Variants in QRFPR observed in about 807,000 individuals in gnomAD.
The protein encoded by QRFPR is pyroglutamylated RF-amide peptide receptor.
A neutral mutation model predicts 31.3 loss-of-function variants in QRFPR; 37 were observed. That is an observed-to-expected ratio of 1.18 (90% confidence interval 0.91 to 1.56). The LOEUF (loss-of-function observed/expected upper bound fraction) is 1.56, where lower values mean the gene tolerates loss of function less well. Ranked by LOEUF, QRFPR falls within the 40% of genes most tolerant of loss-of-function variation. The pLI is 0.00. For synonymous variants in QRFPR, 197 were observed against 192.0 expected, an observed-to-expected ratio of 1.03 and a Z score of -0.22; for missense variants, 542 against 532.5, an observed-to-expected ratio of 1.02 and a Z score of -0.18.
At chr4:121,365,602 AATATATATAT>A (rs1335346290) in intron 1 of QRFPR, among the ~76,000 whole-genome samples, 4,492 of 12,654 alleles carry the variant, frequency 0.35, 484 homozygotes, top group East Asian at 0.54. Flanking sequence ...ATATATATAT[AATATATATAT>A]TATATATATT....
intron 1 of QRFPR, among the ~76,000 whole-genome samples, chr4:121,371,594 G>T (rs576392133): frequency 8.5e-5 from 13 of 152,218 alleles, no homozygotes; most frequent in Non-Finnish European, 1.9e-4. Flanking sequence ...ACAAGGAAGA[G>T]CCACTCAGAA....
intron 1 of QRFPR, among the ~76,000 whole-genome samples, chr4:121,374,803 T>A (rs1005682558): frequency 6.6e-6 from 1 of 152,264 alleles, no homozygotes; most frequent in African/African-American, 2.4e-5. Flanking sequence ...TAAAAGTGCA[T>A]GAATGTGTAC....
At position 121,380,406 on chromosome 4, in the gene QRFPR, T is replaced by C. The variant is rs774471162; in HGVS notation, c.242A>G (p.Asn81Ser). ...TRSKAMRTVT[N>S]IFICSLALSD... is the part of the protein sequence containing the mutation. ...GAGCGCCAAGGAGCAGATAAAGATG[T>C]TGGTGACGGTGCGCATGGCCTTGCT... The change falls in exon 1 of 6, where the codon AAC becomes AGC. Residue 81 changes from asparagine to serine, a missense_variant. Transcript: ENST00000394427. 2 of 1,614,202 alleles carry C rather than the reference T, an allele frequency of 1.2e-6. No homozygotes were observed. Among genetic ancestry groups the C allele is most frequent in the Admixed American group, 1.7e-5 (1 of 60,028 alleles).
intron 1 of QRFPR, among the ~76,000 whole-genome samples, chr4:121,363,372 C>T (rs965737500): frequency 4.7e-5 from 7 of 149,806 alleles, no homozygotes; most frequent in Non-Finnish European, 1.0e-4. Context: ...ACTATATAAC[C>T]CTTCACATGT....
intron 1 of QRFPR, among the ~76,000 whole-genome samples, chr4:121,374,509 G>A (rs1358648839): frequency 6.6e-6 from 1 of 152,154 alleles, no homozygotes; most frequent in African/African-American, 2.4e-5. Context: ...GGGAACTCCT[G>A]GTGCTGTCAG....
chr4:121,357,357 G>T (rs149741117), intron 1 of QRFPR, among the ~76,000 whole-genome samples: 13 of 152,048 alleles, frequency 8.5e-5, no homozygotes, highest in African/African-American at 2.4e-4. Flanking sequence ...AAGAACGTAG[G>T]GGGTGGAAAG....
chr4:121,365,595 T>TATTATATATA (rs1553947919), intron 1 of QRFPR, among the ~76,000 whole-genome samples: 1 of 4,632 alleles, frequency 2.2e-4, no homozygotes. Flanking sequence ...ATATATTATA[T>TATTATATATA]ATATATAATA....
chr4:121,349,353 C>T (rs1725720955), intron 1 of QRFPR, among the ~76,000 whole-genome samples: 1 of 151,902 alleles, frequency 6.6e-6, no homozygotes, highest in South Asian at 2.1e-4. Context: ...ATTGGAATTC[C>T]TGGATTGATC....
chr4:121,379,335 A>G (rs1478474895), intron 1 of QRFPR, among the ~76,000 whole-genome samples: 1 of 152,242 alleles, frequency 6.6e-6, no homozygotes, highest in Non-Finnish European at 1.5e-5. Context: ...GAGAATTAGT[A>G]ATGGGATAGA....
chr4:121,360,907 A>T (rs1455006966), intron 1 of QRFPR, among the ~76,000 whole-genome samples: 2 of 152,186 alleles, frequency 1.3e-5, no homozygotes, highest in African/African-American at 2.4e-5. Context: ...CTCCCCAAGC[A>T]CCTTCCACAA....
chr4:121,380,118 G>A (rs992899582), intron 1 of QRFPR, among the ~76,000 whole-genome samples, 190 bp downstream of exon 1: 2 of 150,298 alleles, frequency 1.3e-5, no homozygotes, highest in South Asian at 4.3e-4. Context: ...CTAAGAAAGA[G>A]CACCGGATTC....
chr4:121,366,306 T>C (rs1726133819), intron 1 of QRFPR, among the ~76,000 whole-genome samples: 1 of 150,036 alleles, frequency 6.7e-6, no homozygotes, highest in Non-Finnish European at 1.5e-5. Context: ...CAAATTCCAT[T>C]ACTTTCTGTG....
chr4:121,355,677 T>A (rs534613370), intron 1 of QRFPR, among the ~76,000 whole-genome samples: 1 of 152,222 alleles, frequency 6.6e-6, no homozygotes, highest in African/African-American at 2.4e-5. Context: ...TTTTCTGCTT[T>A]TCTGATGTAG....
chr4:121,364,812 G>A (rs561833936), intron 1 of QRFPR, among the ~76,000 whole-genome samples: 1 of 149,806 alleles, frequency 6.7e-6, no homozygotes, highest in East Asian at 2.0e-4. Flanking sequence ...AAGAGTAAAG[G>A]GAAAGGTAGA....
chr4:121,330,920 AC>A (rs1429699225), intron 4 of QRFPR, among the ~76,000 whole-genome samples: 1 of 152,096 alleles, frequency 6.6e-6, no homozygotes, highest in Non-Finnish European at 1.5e-5. Flanking sequence ...TGAAGCTCTT[AC>A]TCACTTTATA....
At chr4:121,371,376 A>C (rs1396486196) in intron 1 of QRFPR, among the ~76,000 whole-genome samples, 5 of 152,218 alleles carry the variant, frequency 3.3e-5, no homozygotes, top group Non-Finnish European at 7.3e-5. Context: ...TCTTAAAGGC[A>C]CAGACTGAGA....
chr4:121,369,432 A>G, intron 1 of QRFPR: 3 of 837,558 alleles, frequency 3.6e-6, no homozygotes, highest in Admixed American at 4.6e-5. Context: ...AAAGGGCTCT[A>G]GAAGCCAGTG....
chr4:121,347,441 G>A (rs533196961), intron 1 of QRFPR, among the ~76,000 whole-genome samples: 1 of 152,034 alleles, frequency 6.6e-6, no homozygotes, highest in South Asian at 2.1e-4. Context: ...GTTCACTTTT[G>A]TCATTTCCCA....
At chr4:121,333,180 C>CA in intron 3 of QRFPR, 124 bp from the exon 4 acceptor site, 2 of 620,906 alleles carry the variant, frequency 3.2e-6, no homozygotes, top group Non-Finnish European at 5.6e-6. Flanking sequence ...GCACGTATTT[C>CA]AAATGAGATA....
Sources: allele counts gnomAD v4.1 joint callset (sites outside exome capture counted in the v4.1 genomes callset), GRCh38; gene constraint gnomAD v4.1.1; transcripts MANE v1.5; gene names NCBI Gene and HGNC (gene_info 2026-07-23, HGNC 2026-07-21).